Variants in GABRB1 observed in about 807,000 individuals in gnomAD.
GABRB1 encodes gamma-aminobutyric acid receptor subunit beta-1.
GABRB1 carries 17 observed loss-of-function variants against 51.6 expected under a neutral mutation model. The observed-to-expected ratio is 0.33, with a 90% CI of 0.23 to 0.49. The LOEUF is 0.49. Among genes scored for constraint, GABRB1 ranks in the 20% least tolerant of loss-of-function variants. GABRB1 has a pLI of 0.99. For synonymous variants in GABRB1, 247 were observed against 218.9 expected (o/e 1.13, Z -1.14); for missense variants, 410 against 600.6 (o/e 0.68, Z 3.32).
chr4:47,201,738 C>T (rs1055511044), intron 4 of GABRB1, among the ~76,000 whole-genome samples: 2 of 151,794 alleles, frequency 1.3e-5, no homozygotes, highest in Non-Finnish European at 2.9e-5. Flanking sequence ...TTGTGAAAAG[C>T]GAAGATAGTC....
At position 47,227,554 on chromosome 4, in the gene GABRB1, C is replaced by A. The variant is rs146155955; in HGVS notation, c.461+66085C>A. On this transcript the variant is annotated intron_variant, in intron 4 of 8. Transcript: ENST00000295454. ...AGTTATAACCAAGGAATTAGCTGAT[C>A]CTACATAGAGCACTAGAGCTGAGAT... 7.3e-3 allele frequency among the ~76,000 whole-genome samples: 1,117 copies of A among 152,118 alleles called. 9 individuals carry two copies. Among genetic ancestry groups the A allele is most frequent in the African/African-American group, 0.025 (1,058 of 41,518 alleles).
intron 5 of GABRB1, among the ~76,000 whole-genome samples, chr4:47,324,172 C>A (rs1725173623): frequency 6.6e-6 from 1 of 152,024 alleles, no homozygotes; most frequent in Non-Finnish European, 1.5e-5. Flanking sequence ...GGCCTGAAAT[C>A]TCTCATTTTC....
chr4:47,197,325 C>T (rs1719721485), intron 4 of GABRB1, among the ~76,000 whole-genome samples: 2 of 152,228 alleles, frequency 1.3e-5, no homozygotes, highest in Admixed American at 1.3e-4. Flanking sequence ...TTCTGGATTA[C>T]CCCTTTTTAT....
In GABRB1 at chr4:47,380,282, T is replaced by G. The variant is rs563545928; in HGVS notation, c.545-23036T>G. Among the ~76,000 whole-genome samples, 4 of 152,326 alleles carry G rather than the reference T, an allele frequency of 2.6e-5. No individual in the cohort carries two copies. In the East Asian group the frequency reaches 7.7e-4, roughly 29 times the overall value. ...GTAATAACTTTAGTAAAAGATAATCTTCGACAGGGAAGAAGTAGACACACA... is the reference window on the plus strand; with the variant it reads ...GTAATAACTTTAGTAAAAGATAATCGTCGACAGGGAAGAAGTAGACACACA... On this transcript the variant is annotated intron_variant, in intron 5 of 8. Coordinates refer to ENST00000295454, the MANE Select transcript of GABRB1 (RefSeq NM_000812.4).
intron 4 of GABRB1, among the ~76,000 whole-genome samples, chr4:47,285,534 A>G (rs1334383953): frequency 2.0e-5 from 3 of 152,174 alleles, no homozygotes; most frequent in Non-Finnish European, 4.4e-5. Flanking sequence ...ACTATGAGCC[A>G]CTACTTTTTT....
intron 4 of GABRB1, among the ~76,000 whole-genome samples, chr4:47,162,775 A>G (rs1304591519): frequency 6.6e-6 from 1 of 152,092 alleles, no homozygotes; most frequent in Non-Finnish European, 1.5e-5. Context: ...TCCTATTTTC[A>G]GGTTGTGCAC....
intron 4 of GABRB1, among the ~76,000 whole-genome samples, chr4:47,294,420 C>T (rs527794694): frequency 9.8e-5 from 15 of 152,330 alleles, no homozygotes; most frequent in East Asian, 5.8e-4. Context: ...GTGCTTTTGC[C>T]GACAGGCTTA....
At chr4:47,015,127 C>T (rs1027895287) in intron 1 of GABRB1, among the ~76,000 whole-genome samples, 15 of 152,094 alleles carry the variant, frequency 9.9e-5, no homozygotes, top group Admixed American at 3.9e-4. Context: ...AGGCTGGTCT[C>T]GAACTCCTGA....
At chr4:47,201,364 G>T (rs1054100014) in intron 4 of GABRB1, among the ~76,000 whole-genome samples, 14 of 152,110 alleles carry the variant, frequency 9.2e-5, no homozygotes, top group Non-Finnish European at 1.8e-4. Flanking sequence ...TTTTGGGGCA[G>T]GCACTCACTT....
chr4:47,143,001 T>C (rs949754526), intron 3 of GABRB1, among the ~76,000 whole-genome samples: 1 of 151,922 alleles, frequency 6.6e-6, no homozygotes, highest in African/African-American at 2.4e-5. Flanking sequence ...TCTTTGACCA[T>C]CCTGCTTGGA....
At chr4:47,287,413 T>C (rs913613413) in intron 4 of GABRB1, among the ~76,000 whole-genome samples, 1 of 152,106 alleles carries the variant, frequency 6.6e-6, no homozygotes, top group African/African-American at 2.4e-5. Flanking sequence ...CCTATCAGGG[T>C]TTTTTTCACA....
chr4:47,041,259 T>G (rs555884096), intron 3 of GABRB1, among the ~76,000 whole-genome samples: 2 of 152,246 alleles, frequency 1.3e-5, no homozygotes, highest in Admixed American at 1.3e-4. Flanking sequence ...TTGAATGGAC[T>G]GTTGGGTATG....
At chr4:47,378,692 G>T (rs906028674) in intron 5 of GABRB1, among the ~76,000 whole-genome samples, 1 of 152,152 alleles carries the variant, frequency 6.6e-6, no homozygotes, top group Non-Finnish European at 1.5e-5. Flanking sequence ...CACCATGTTG[G>T]CCAGGCTGGT....
intron 3 of GABRB1, among the ~76,000 whole-genome samples, chr4:47,104,750 C>T (rs1203832048): frequency 6.6e-6 from 1 of 151,980 alleles, no homozygotes; most frequent in Admixed American, 6.6e-5. Flanking sequence ...ATCTGTCTTA[C>T]TATGCTTTCC....
At chr4:47,124,451 T>C (rs889964220) in intron 3 of GABRB1, among the ~76,000 whole-genome samples, 1 of 152,188 alleles carries the variant, frequency 6.6e-6, no homozygotes. Context: ...GACTACACAA[T>C]TTAAGAAGAA....
At chr4:47,079,375 A>T (rs1005161067) in intron 3 of GABRB1, among the ~76,000 whole-genome samples, 5 of 152,004 alleles carry the variant, frequency 3.3e-5, no homozygotes, top group African/African-American at 1.2e-4. Flanking sequence ...CTCCATTTCT[A>T]CTAGATTTTC....
intron 3 of GABRB1, among the ~76,000 whole-genome samples, chr4:47,124,302 C>G (rs149715236): frequency 6.6e-6 from 1 of 152,038 alleles, no homozygotes; most frequent in Non-Finnish European, 1.5e-5. Context: ...AACTGCGTGA[C>G]CTGATTTCAG....
chr4:47,142,649 G>A (rs1410192958), intron 3 of GABRB1, among the ~76,000 whole-genome samples: 3 of 151,930 alleles, frequency 2.0e-5, no homozygotes, highest in Admixed American at 2.0e-4. Context: ...TTATTCAGAA[G>A]AGAGTACATC....
intron 4 of GABRB1, among the ~76,000 whole-genome samples, chr4:47,261,075 G>T (rs1038059317): frequency 3.9e-5 from 6 of 152,020 alleles, no homozygotes; most frequent in Non-Finnish European, 8.8e-5. Context: ...TATCTATGAC[G>T]AACCCACAGC....
Sources: gnomAD v4.1 joint callset for allele counts (sites outside exome capture counted in the v4.1 genomes callset) on GRCh38, gnomAD v4.1.1 for gene constraint, MANE v1.5 for transcripts, NCBI Gene and HGNC (gene_info 2026-07-23, HGNC 2026-07-21) for gene names.